ZNF516: variants seen among roughly 807,000 people sequenced by gnomAD.
ZNF516 encodes the protein zinc finger protein 516.
In ZNF516, 19 loss-of-function variants were observed where a neutral mutation model predicts 79.7. That is an observed-to-expected ratio of 0.24 (90% CI 0.17 to 0.35). The LOEUF (loss-of-function observed/expected upper bound fraction) is 0.35, where lower values mean the gene tolerates loss of function less well. Ranked by LOEUF, ZNF516 falls within the 10% of genes least tolerant of loss-of-function variation. The probability of loss-of-function intolerance (pLI) is 1.00; values close to 1 mark genes in which losing one functional copy is unlikely to be tolerated. For missense variants in ZNF516, 1,678 were observed against 1,679.5 expected, an observed-to-expected ratio of 1.00 and a Z score of 0.02; for synonymous variants, 877 against 739.5, an observed-to-expected ratio of 1.19 and a Z score of -3.02.
At chr18:76,477,340 A>T (rs1279264062) in intron 1 of ZNF516, among the ~76,000 whole-genome samples, 1 of 152,218 alleles carries the variant, frequency 6.6e-6, no homozygotes, top group African/African-American at 2.4e-5. Flanking sequence ...CCTCCGTGAA[A>T]GTAATAAACT....
At chr18:76,445,072 G>A (rs997448941) in intron 2 of ZNF516, among the ~76,000 whole-genome samples, 2 of 152,060 alleles carry the variant, frequency 1.3e-5, no homozygotes, top group African/African-American at 2.4e-5. Flanking sequence ...CCACCCAGAG[G>A]AGCCAAAACC....
intron 3 of ZNF516, among the ~76,000 whole-genome samples, chr18:76,431,774 C>T (rs1262204030): frequency 7.2e-5 from 11 of 152,216 alleles, no homozygotes; most frequent in Non-Finnish European, 1.6e-4. Flanking sequence ...TAAGGCTTCA[C>T]TGAAAGCAGA....
intron 2 of ZNF516, among the ~76,000 whole-genome samples, chr18:76,444,149 G>GT (rs1335300411): frequency 6.6e-6 from 1 of 152,234 alleles, no homozygotes; most frequent in Non-Finnish European, 1.5e-5. Flanking sequence ...CTGACACAGG[G>GT]TAAGTAAGGT....
At position 76,379,478 on chromosome 18, in the gene ZNF516, G is replaced by A. The variant is rs201281243; in HGVS notation, c.2636C>T (p.Ala879Val). 3.0e-4 allele frequency: 483 copies of A among 1,613,538 alleles called. No individual in the cohort carries two copies. The highest frequency in any genetic ancestry group is 3.9e-4 in the Non-Finnish European group (466 of 1,179,902). ...CTGTCGATACCCGTCAGGGCCGGGC[G>A]CCCACAGAGCGCAGGGACCTCCGGA... is the stretch of plus-strand genomic sequence containing the variant. ...SHSGGPCALW[A>V]PGPDGYRQTK... is the part of the protein sequence containing the mutation. Residue 879 changes from alanine to valine, a missense_variant, in exon 4 of 7, where the codon GCG becomes GTG. Coordinates refer to ENST00000443185, the MANE Select transcript of ZNF516 (RefSeq NM_014643.4).
In ZNF516 at chr18:76,459,443, C is replaced by G. The variant is rs1235671327; in HGVS notation, c.-158+3585G>C. ...AAAACTCTGGCCCTCCACTGCCGGCCAGGGAGGCCTCGCGTGCCAAGCTGG... is the reference window on the plus strand; with the variant it reads ...AAAACTCTGGCCCTCCACTGCCGGCGAGGGAGGCCTCGCGTGCCAAGCTGG... On this transcript the variant is annotated intron_variant, in intron 2 of 6. Coordinates refer to ENST00000443185, the MANE Select transcript of ZNF516 (RefSeq NM_014643.4). This position sits in a 1 kb window ranked among gnomAD's most constrained non-coding sequence, Gnocchi z 5.0. Among the ~76,000 whole-genome samples the G allele has an allele frequency of 2.6e-5, 4 of 152,230 alleles. No individual in the cohort carries two copies. Among genetic ancestry groups the G allele is most frequent in the Non-Finnish European group, 5.9e-5 (4 of 68,040 alleles).
At chr18:76,369,287 T>C (rs2074665206) in intron 6 of ZNF516, among the ~76,000 whole-genome samples, 1 of 152,218 alleles carries the variant, frequency 6.6e-6, no homozygotes, top group African/African-American at 2.4e-5. Context: ...TAGTATTGGG[T>C]AACTATGGGT....
intron 3 of ZNF516, among the ~76,000 whole-genome samples, chr18:76,435,125 A>G (rs2075712922): frequency 6.6e-6 from 1 of 152,162 alleles, no homozygotes. Flanking sequence ...CTATGATCCT[A>G]TCTTGAGTTA....
At chr18:76,432,600 A>G (rs370512695) in intron 3 of ZNF516, among the ~76,000 whole-genome samples, 2 of 152,330 alleles carry the variant, frequency 1.3e-5, no homozygotes, top group African/African-American at 4.8e-5. Flanking sequence ...GGGACTCCAG[A>G]GCCTACAGCC....
At chr18:76,371,429 C>T in intron 5 of ZNF516, 38 bp downstream of exon 5, 1 of 1,571,452 alleles carries the variant, frequency 6.4e-7, no homozygotes, top group Non-Finnish European at 8.6e-7. Context: ...CCCTCTTCCT[C>T]TGCTCCCCTT....
At chr18:76,384,777 A>G (rs9964143) in intron 3 of ZNF516, among the ~76,000 whole-genome samples, 98,349 of 151,762 alleles carry the variant, frequency 0.65, 31,949 homozygotes, top group Middle Eastern at 0.71. Context: ...AAAGTCTGCA[A>G]GAAAAAGCAC....
intron 3 of ZNF516, 121 bp from the exon 4 acceptor site, chr18:76,380,424 T>C: frequency 7.6e-7 from 1 of 1,315,786 alleles, no homozygotes; most frequent in Non-Finnish European, 1.0e-6. Flanking sequence ...GAAGCCACCC[T>C]TGAGTCTGGG....
chr18:76,378,458 C>A (rs1007546292), intron 4 of ZNF516, among the ~76,000 whole-genome samples: 12 of 152,196 alleles, frequency 7.9e-5, no homozygotes, highest in African/African-American at 2.9e-4. Context: ...AGAGACAGGA[C>A]AATGAACATC....
intron 1 of ZNF516, among the ~76,000 whole-genome samples, chr18:76,476,925 T>C (rs1396305796): frequency 6.6e-6 from 1 of 152,084 alleles, no homozygotes; most frequent in Non-Finnish European, 1.5e-5. Context: ...ACAGATGAAA[T>C]TGCACTTGTG....
intron 1 of ZNF516, among the ~76,000 whole-genome samples, chr18:76,471,383 C>A (rs1913829398): frequency 6.6e-6 from 1 of 152,164 alleles, no homozygotes; most frequent in South Asian, 2.1e-4. Context: ...GCAGCGACCC[C>A]AGACACGGAC....
chr18:76,437,904 C>T (rs964476989), intron 3 of ZNF516, among the ~76,000 whole-genome samples: 8 of 152,192 alleles, frequency 5.3e-5, no homozygotes, highest in East Asian at 1.9e-4. Context: ...TTGTAACTTC[C>T]CACAACATCC....
chr18:76,490,148 C>G (rs1915079869), intron 1 of ZNF516: 1 of 985,058 alleles, frequency 1.0e-6, no homozygotes, highest in African/African-American at 1.7e-5. Flanking sequence ...ACACAGAATT[C>G]AGTTCATCCC....
intron 1 of ZNF516, chr18:76,492,949 T>C (rs768761770): frequency 2.9e-5 from 29 of 985,584 alleles, no homozygotes; most frequent in Non-Finnish European, 3.5e-5. Context: ...GACTTCACAG[T>C]GTGCAGACAC....
rs766058071 is a variant in ZNF516, at chr18:76,441,307, G to C, written c.1748C>G (p.Ser583Cys). 3.1e-6 allele frequency: 5 copies of C among 1,611,542 alleles called. No homozygotes were observed. The highest frequency in any genetic ancestry group is 1.1e-5 in the South Asian group (1 of 90,894). ...SACAAADSPG[S>C]GLADEAAEDS... ...TTCGGCAGCCTCGTCGGCCAGGCCAGAGCCCGGGGAGTCAGCAGCGGCACA... is the reference window on the plus strand; with the variant it reads ...TTCGGCAGCCTCGTCGGCCAGGCCACAGCCCGGGGAGTCAGCAGCGGCACA... The change falls in exon 3 of 7, where the codon TCT (serine) becomes TGT (cysteine). Residue 583 changes from serine to cysteine, a missense_variant. Physicochemically the swap from Ser to Cys is moderately radical, Grantham distance 112. Around this residue, in one of 5 missense-constraint regions of ZNF516, gnomAD observed 1,294 missense variants for 1,248.3 expected, o/e 1.04. Coordinates refer to ENST00000443185, the MANE Select transcript of ZNF516 (RefSeq NM_014643.4).
At position 76,441,368 on chromosome 18, in the gene ZNF516, C is replaced by A. The variant is rs770298606; in HGVS notation, c.1687G>T (p.Asp563Tyr). 6.2e-7 allele frequency: 1 copy of A among 1,611,230 alleles called. No homozygotes were observed. Among genetic ancestry groups the A allele is most frequent in the Non-Finnish European group, 8.5e-7 (1 of 1,179,326 alleles). ...RARCGSLSEG[D>Y]SASQPSSPGS... ...GGGCTGCTGGGCTGGGAGGCCGAGTCACCCTCACTGAGTGATCCGCAGCGG... is the reference window on the plus strand; with the variant it reads ...GGGCTGCTGGGCTGGGAGGCCGAGTAACCCTCACTGAGTGATCCGCAGCGG... Residue 563 changes from aspartate to tyrosine, a missense_variant, in exon 3 of 7, where the codon GAC becomes TAC. By Grantham distance (160) the Asp-to-Tyr change is radical. Around this residue, in one of 5 missense-constraint regions of ZNF516, gnomAD observed 1,294 missense variants for 1,248.3 expected, o/e 1.04. Transcript: ENST00000443185.
Sources: allele counts gnomAD v4.1 joint callset (sites outside exome capture counted in the v4.1 genomes callset), GRCh38; gene constraint gnomAD v4.1.1; regional missense constraint gnomAD v4.1.1; non-coding constraint Gnocchi (gnomAD v3.1); transcripts MANE v1.5; gene names NCBI Gene and HGNC (gene_info 2026-07-23, HGNC 2026-07-21).